Variants in CADM2 observed in about 807,000 individuals in gnomAD.
CADM2 encodes immunoglobulin superfamily member 4D.
In CADM2, 12 loss-of-function variants were observed where a neutral mutation model predicts 49.8. That is an observed-to-expected ratio of 0.24 (90% CI 0.15 to 0.39). The LOEUF (loss-of-function observed/expected upper bound fraction) is 0.39. Ranked by LOEUF, CADM2 falls within the 10% of genes least tolerant of loss-of-function variation. The pLI is 1.00. For synonymous variants in CADM2, 214 were observed against 175.4 expected (o/e 1.22, Z -1.74); for missense variants, 378 against 492.3 (o/e 0.77, Z 2.20).
At chr3:85,517,062 A>T (rs1430986879) in intron 1 of CADM2, among the ~76,000 whole-genome samples, 1 of 151,790 alleles carries the variant, frequency 6.6e-6, no homozygotes. Flanking sequence ...CAACTACACC[A>T]CTCTGGTTAT....
intron 1 of CADM2, among the ~76,000 whole-genome samples, chr3:85,707,201 A>T (rs1317387154): frequency 6.6e-6 from 1 of 151,982 alleles, no homozygotes; most frequent in African/African-American, 2.4e-5. Flanking sequence ...CCAAATATCT[A>T]CTACTAAAGT....
At chr3:86,016,539 A>T (rs1019251943) in intron 8 of CADM2, among the ~76,000 whole-genome samples, 11 of 152,140 alleles carry the variant, frequency 7.2e-5, no homozygotes, top group African/African-American at 2.7e-4. Flanking sequence ...TTTAACTTCC[A>T]CCTCTTTTTT....
chr3:85,639,926 A>G (rs4302392), intron 1 of CADM2, among the ~76,000 whole-genome samples: 119,981 of 152,160 alleles, frequency 0.79, 48,118 homozygotes, highest in African/African-American at 0.94. Flanking sequence ...TGATCTGAAA[A>G]CTTGAGAAGG....
In CADM2 at chr3:85,560,479, C is replaced by T. The variant is rs780577885; in HGVS notation, c.62-166043C>T. On this transcript the variant is annotated intron_variant, in intron 1 of 9. Coordinates refer to ENST00000383699, the MANE Select transcript of CADM2 (RefSeq NM_001167675.2). ...GGCGCTTGGCTTATTTCTTATATGA[C>T]TACTGCCAAATGCAGCCAACGCATG... Among the ~76,000 whole-genome samples, 16 of 152,212 alleles carry T rather than the reference C, an allele frequency of 1.1e-4. 1 individual carries two copies. Among genetic ancestry groups the T allele is most frequent in the Non-Finnish European group, 1.5e-5 (1 of 68,032 alleles).
At chr3:85,166,493 A>G (rs9917693) in intron 1 of CADM2, among the ~76,000 whole-genome samples, 10,473 of 151,960 alleles carry the variant, frequency 0.069, 1,210 homozygotes, top group African/African-American at 0.24. Flanking sequence ...TTGAAGCTTC[A>G]TAAACAATGA....
chr3:85,168,303 C>T (rs1213792102), intron 1 of CADM2, among the ~76,000 whole-genome samples: 2 of 152,150 alleles, frequency 1.3e-5, no homozygotes, highest in Non-Finnish European at 2.9e-5. Flanking sequence ...GATCTGCCCA[C>T]CTTGGCCTCC....
chr3:85,769,208 T>C (rs1357897182), intron 2 of CADM2, among the ~76,000 whole-genome samples: 1 of 118,934 alleles, frequency 8.4e-6, no homozygotes, highest in Non-Finnish European at 1.6e-5. Flanking sequence ...TACACATATA[T>C]ACATATATAG....
At chr3:85,324,560 T>C (rs1273700833) in intron 1 of CADM2, among the ~76,000 whole-genome samples, 1 of 152,110 alleles carries the variant, frequency 6.6e-6, no homozygotes. Flanking sequence ...ATTAAAAATG[T>C]ACATATATAT....
intron 1 of CADM2, among the ~76,000 whole-genome samples, chr3:85,153,747 C>T (rs989017954): frequency 3.3e-5 from 5 of 152,086 alleles, no homozygotes; most frequent in East Asian, 1.9e-4. Context: ...GATCTGAGAA[C>T]GGGCAGACTG....
At chr3:85,060,065 C>T (rs568912202) in intron 1 of CADM2, among the ~76,000 whole-genome samples, 13 of 152,304 alleles carry the variant, frequency 8.5e-5, no homozygotes, top group Admixed American at 4.6e-4. Flanking sequence ...TCCTGTGTCA[C>T]ATTCCCAAAG....
intron 5 of CADM2, among the ~76,000 whole-genome samples, chr3:85,889,049 C>T (rs962097079): frequency 6.6e-6 from 1 of 152,182 alleles, no homozygotes; most frequent in Middle Eastern, 3.4e-3. Flanking sequence ...AAATGCCTCT[C>T]GATTTCACAG....
At chr3:86,020,083 C>T (rs1732919946) in intron 8 of CADM2, among the ~76,000 whole-genome samples, 1 of 151,966 alleles carries the variant, frequency 6.6e-6, no homozygotes, top group African/African-American at 2.4e-5. Context: ...AATTGATGGA[C>T]CGCTAGCAAG....
chr3:85,389,081 CT>C (rs1402026379), intron 1 of CADM2, among the ~76,000 whole-genome samples: 3 of 152,108 alleles, frequency 2.0e-5, no homozygotes, highest in East Asian at 3.9e-4. Context: ...TACATTCACC[CT>C]TATTTAAAGT....
intron 6 of CADM2, among the ~76,000 whole-genome samples, chr3:85,928,294 G>A (rs1720151514): frequency 6.6e-6 from 1 of 151,986 alleles, no homozygotes; most frequent in Non-Finnish European, 1.5e-5. Flanking sequence ...GAGTAGCTGG[G>A]ATTACAGGCG....
At chr3:85,702,142 A>G (rs1450373137) in intron 1 of CADM2, among the ~76,000 whole-genome samples, 1 of 152,124 alleles carries the variant, frequency 6.6e-6, no homozygotes, top group Non-Finnish European at 1.5e-5. Flanking sequence ...TTTAACAAGC[A>G]TGCTTTTATT....
intron 7 of CADM2, among the ~76,000 whole-genome samples, chr3:85,952,564 A>G (rs2108590574): frequency 6.6e-6 from 1 of 150,676 alleles, no homozygotes; most frequent in East Asian, 2.0e-4. Context: ...CTTTATTTCA[A>G]TCTCTTTTCT....
intron 8 of CADM2, among the ~76,000 whole-genome samples, chr3:86,045,340 C>T (rs116548659): frequency 6.6e-6 from 1 of 152,190 alleles, no homozygotes; most frequent in African/African-American, 2.4e-5. Context: ...TATCAGTCTT[C>T]CTGGAACTTG....
chr3:85,990,392 G>T (rs548574888), intron 8 of CADM2, among the ~76,000 whole-genome samples: 1 of 152,258 alleles, frequency 6.6e-6, no homozygotes, highest in South Asian at 2.1e-4. Flanking sequence ...AGTAGGTTAG[G>T]TGTATTAAAT....
intron 8 of CADM2, among the ~76,000 whole-genome samples, chr3:85,970,876 A>G (rs1726040563): frequency 6.6e-6 from 1 of 151,558 alleles, no homozygotes. Flanking sequence ...CGGGTAAGTT[A>G]CATGGTGATA....
Sources: gnomAD v4.1 joint callset for allele counts (sites outside exome capture counted in the v4.1 genomes callset) on GRCh38, gnomAD v4.1.1 for gene constraint, MANE v1.5 for transcripts, NCBI Gene and HGNC (gene_info 2026-07-23, HGNC 2026-07-21) for gene names.